C12orf42: variants seen among roughly 807,000 people sequenced by gnomAD.
C12orf42 encodes the protein chromosome 12 open reading frame 42.
Under a neutral mutation model 21.6 loss-of-function variants are expected in C12orf42, and 25 were observed. The observed-to-expected ratio is 1.16, with a 90% confidence interval of 0.84 to 1.62. The LOEUF (loss-of-function observed/expected upper bound fraction) is 1.62, where lower values mean the gene tolerates loss of function less well. C12orf42 is among the 40% of genes most tolerant of loss of function. The pLI is 0.00. For missense variants in C12orf42, 483 were observed against 459.3 expected (o/e 1.05, Z -0.47); for synonymous variants, 174 against 175.0 (o/e 0.99, Z 0.05).
chr12:103,111,375 T>G, the C12orf42 span, among the ~76,000 whole-genome samples: 12 of 152,364 alleles, frequency 7.9e-5, no homozygotes, highest in Admixed American at 5.9e-4. Flanking sequence ...CTAGTTGGTT[T>G]ATTCCAACAA....
At chr12:103,488,365 T>C (rs1383455938) in intron 1 of C12orf42, among the ~76,000 whole-genome samples, 1 of 152,226 alleles carries the variant, frequency 6.6e-6, no homozygotes, top group Non-Finnish European at 1.5e-5. Flanking sequence ...CCAACCTTTC[T>C]CTCTGGCTTC....
At chr12:103,217,826 T>C in the C12orf42 span, among the ~76,000 whole-genome samples, 1 of 152,182 alleles carries the variant, frequency 6.6e-6, no homozygotes, top group Non-Finnish European at 1.5e-5. Context: ...ACTCCCATGC[T>C]GCATCAATCT....
chr12:103,527,127 C>T, the C12orf42 span, among the ~76,000 whole-genome samples: 3 of 151,880 alleles, frequency 2.0e-5, no homozygotes, highest in Non-Finnish European at 4.4e-5. Flanking sequence ...ATTTGGGCAA[C>T]GAGATGGGAA....
At chr12:103,545,035 C>A in the C12orf42 span, among the ~76,000 whole-genome samples, 8 of 152,176 alleles carry the variant, frequency 5.3e-5, no homozygotes, top group African/African-American at 1.9e-4. Flanking sequence ...AAAAACTCAA[C>A]TTAGCTGGGG....
chr12:103,274,922 C>T (rs764820328), intron 5 of C12orf42, among the ~76,000 whole-genome samples: 23 of 152,084 alleles, frequency 1.5e-4, no homozygotes, highest in Non-Finnish European at 4.4e-5. Context: ...TATCTTTCCT[C>T]CTGATATCTT....
At chr12:103,462,562 C>A (rs1261950180) in intron 2 of C12orf42, among the ~76,000 whole-genome samples, 2 of 152,166 alleles carry the variant, frequency 1.3e-5, no homozygotes, top group Admixed American at 1.3e-4. Context: ...CTAAAAGCCA[C>A]ACACAAAATA....
chr12:103,516,985 A>G, the C12orf42 span, among the ~76,000 whole-genome samples: 1 of 152,200 alleles, frequency 6.6e-6, no homozygotes, highest in Non-Finnish European at 1.5e-5. Context: ...TAAAGGGACT[A>G]CCAAGAAAGA....
At chr12:103,083,357 CTG>C in the C12orf42 span, among the ~76,000 whole-genome samples, 1 of 152,024 alleles carries the variant, frequency 6.6e-6, no homozygotes, top group Admixed American at 6.5e-5. Context: ...GAGTAAGACT[CTG>C]TCTCAAAACA....
intron 5 of C12orf42, chr12:103,273,933 A>G: frequency 2.2e-6 from 1 of 456,028 alleles, no homozygotes; most frequent in South Asian, 1.5e-5. Context: ...CTTTTCGCAT[A>G]CTCACAGTAA....
At chr12:103,238,162 A>G (rs549034028) in intron 10 of C12orf42, among the ~76,000 whole-genome samples, 1 of 152,192 alleles carries the variant, frequency 6.6e-6, no homozygotes, top group South Asian at 2.1e-4. Context: ...GTAGGAAGGG[A>G]CATGGGACAA....
intron 10 of C12orf42, among the ~76,000 whole-genome samples, chr12:103,252,769 T>C (rs2034373513): frequency 1.3e-5 from 2 of 152,238 alleles, no homozygotes; most frequent in Non-Finnish European, 2.9e-5. Flanking sequence ...TTCACTCTGA[T>C]GATCGGTTCT....
chr12:103,346,817 A>C (rs2042663360), intron 4 of C12orf42, among the ~76,000 whole-genome samples: 1 of 152,224 alleles, frequency 6.6e-6, no homozygotes, highest in Non-Finnish European at 1.5e-5. Flanking sequence ...ACAGAACTGC[A>C]GGTTGAAGCA....
chr12:103,465,253 C>A (rs533717274), intron 2 of C12orf42, among the ~76,000 whole-genome samples: 4 of 152,024 alleles, frequency 2.6e-5, no homozygotes, highest in Non-Finnish European at 5.9e-5. Flanking sequence ...TTTTTCCATA[C>A]GTTTGTATCC....
At chr12:103,339,789 A>G (rs1164217549) in intron 4 of C12orf42, among the ~76,000 whole-genome samples, 2 of 152,250 alleles carry the variant, frequency 1.3e-5, no homozygotes, top group African/African-American at 4.8e-5. Context: ...TTTAGGTGCT[A>G]TGGATACTCT....
chr12:103,528,532 C>T, the C12orf42 span, among the ~76,000 whole-genome samples: 1 of 152,116 alleles, frequency 6.6e-6, no homozygotes, highest in East Asian at 1.9e-4. Context: ...GGAGTTCTAG[C>T]TCTGTTAGTT....
intron 2 of C12orf42, among the ~76,000 whole-genome samples, chr12:103,433,638 C>A (rs1950432090): frequency 6.6e-6 from 1 of 152,102 alleles, no homozygotes; most frequent in African/African-American, 2.4e-5. Context: ...AAGAAATGAC[C>A]TATTTTCTCT....
At chr12:103,150,413 A>G in the C12orf42 span, among the ~76,000 whole-genome samples, 1 of 152,256 alleles carries the variant, frequency 6.6e-6, no homozygotes, top group Non-Finnish European at 1.5e-5. Flanking sequence ...AGAAAACTGA[A>G]GCACTTCTGA....
Position 103,302,187 on chromosome 12 carries a change from G to A in C12orf42, c.1004C>T (p.Pro335Leu). Residue 335 changes from proline (P) to leucine (L), a missense_variant, in exon 6 of 6, where the codon CCC (proline) becomes CTC (leucine). Physicochemically the swap from Pro to Leu is moderately conservative, Grantham distance 98. Transcript: ENST00000548883. Reference protein sequence around the residue: ...KRLIKVCSSAPPRPTRRFHTV... With the variant: ...KRLIKVCSSALPRPTRRFHTV... The stretch of plus-strand genomic sequence containing the variant: ...ATGGAAACGCCGGGTTGGGCGGGGG[G>A]GTGCTGAGGAGCAAACCTTTATTAA... 1 of 1,612,766 alleles carries A rather than the reference G, an allele frequency of 6.2e-7. No homozygotes were observed. Among genetic ancestry groups the A allele is most frequent in the Non-Finnish European group, 8.5e-7 (1 of 1,179,440 alleles).
At chr12:103,495,252 T>TGGG (rs1955445893) in intron 1 of C12orf42, among the ~76,000 whole-genome samples, 1 of 96,716 alleles carries the variant, frequency 1.0e-5, no homozygotes, top group Non-Finnish European at 2.2e-5. Flanking sequence ...CGGGGAAGGT[T>TGGG]AGGGGGAGAA....
Sources: gnomAD v4.1 joint callset for allele counts (sites outside exome capture counted in the v4.1 genomes callset) on GRCh38, gnomAD v4.1.1 for gene constraint, MANE v1.5 for transcripts, NCBI Gene and HGNC (gene_info 2026-07-23, HGNC 2026-07-21) for gene names.